HSD17B4: variants seen among roughly 807,000 people sequenced by gnomAD.
HSD17B4 encodes the protein peroxisomal multifunctional enzyme type 2.
In HSD17B4, 70 loss-of-function variants were observed where a neutral mutation model predicts 101.0. That is an observed-to-expected ratio of 0.69 (90% CI 0.57 to 0.85). HSD17B4 has a LOEUF of 0.85. Among genes scored for constraint, HSD17B4 ranks in the 40% least tolerant of loss-of-function variants. The probability of loss-of-function intolerance (pLI) is 0.00; values close to 1 mark genes in which losing one functional copy is unlikely to be tolerated. For synonymous variants in HSD17B4, 347 were observed against 297.1 expected, an observed-to-expected ratio of 1.17 and a Z score of -1.73; for missense variants, 984 against 892.4, an observed-to-expected ratio of 1.10 and a Z score of -1.31.
intron 2 of HSD17B4, among the ~76,000 whole-genome samples, chr5:119,457,960 A>G (rs1204731891): frequency 6.6e-6 from 1 of 152,220 alleles, no homozygotes; most frequent in Non-Finnish European, 1.5e-5. Context: ...AAAAAATTTT[A>G]TAACAGTGTG....
chr5:119,526,545 C>T (rs545453772), intron 19 of HSD17B4, among the ~76,000 whole-genome samples: 1 of 151,808 alleles, frequency 6.6e-6, no homozygotes, highest in Non-Finnish European at 1.5e-5. Flanking sequence ...AAGATGTACA[C>T]TTAAAAAAGT....
At position 119,473,936 on chromosome 5, in the gene HSD17B4, A is replaced by G; in HGVS notation, c.141A>G (p.Gly47=). 6.2e-7 allele frequency: 1 copy of G among 1,610,574 alleles called. No individual in the cohort carries two copies. Among genetic ancestry groups the G allele is most frequent in the Non-Finnish European group, 8.5e-7 (1 of 1,176,840 alleles). The part of the protein sequence containing the change: ...VVNDLGGDFK[G]VGKGSLAADK... Reference sequence around the variant, plus strand: ...ATGATTTGGGAGGGGACTTCAAAGGAGTTGGTAAAGGCTCCTTAGCTGCTG... The same window carrying G: ...ATGATTTGGGAGGGGACTTCAAAGGGGTTGGTAAAGGCTCCTTAGCTGCTG... The change falls in exon 3 of 24, where the codon GGA becomes GGG. Residue 47 remains glycine, a synonymous_variant. Coordinates refer to ENST00000510025, the MANE Select transcript of HSD17B4 (RefSeq NM_000414.4).
intron 16 of HSD17B4, among the ~76,000 whole-genome samples, chr5:119,512,765 C>G (rs1166077577): frequency 6.6e-6 from 1 of 152,012 alleles, no homozygotes; most frequent in Admixed American, 6.5e-5. Context: ...TATGAAATAC[C>G]CAGGTTAGGC....
chr5:119,455,564 C>CTATATATATA (rs1366517649), intron 1 of HSD17B4, among the ~76,000 whole-genome samples: 14 of 126,270 alleles, frequency 1.1e-4, no homozygotes, highest in Non-Finnish European at 1.9e-4. Context: ...CTCTCTCTCT[C>CTATATATATA]TCTCTATATA....
At chr5:119,529,779 T>C (rs985521980) in intron 20 of HSD17B4, 115 bp from the exon 21 acceptor site, 1 of 686,876 alleles carries the variant, frequency 1.5e-6, no homozygotes, top group Non-Finnish European at 2.6e-6. Flanking sequence ...TGGATTATTA[T>C]ATTCTTTTTC....
At chr5:119,456,110 T>C (rs1372783027) in intron 1 of HSD17B4, among the ~76,000 whole-genome samples, 1 of 152,116 alleles carries the variant, frequency 6.6e-6, no homozygotes, top group Non-Finnish European at 1.5e-5. Flanking sequence ...GTAGAATAGG[T>C]GGAAAAATAC....
chr5:119,538,238 A>T (rs1006226195), intron 23 of HSD17B4, among the ~76,000 whole-genome samples: 33 of 152,102 alleles, frequency 2.2e-4, no homozygotes, highest in Admixed American at 5.9e-4. Flanking sequence ...ATTATCTTAG[A>T]TTCCTTCTGC....
chr5:119,534,012 T>C (rs1754339725), intron 22 of HSD17B4, among the ~76,000 whole-genome samples: 2 of 152,124 alleles, frequency 1.3e-5, no homozygotes, highest in South Asian at 4.1e-4. Flanking sequence ...ATCCAATACC[T>C]GTAAAATAAT....
In HSD17B4 at chr5:119,525,228, C is replaced by T. The variant is rs766199971; in HGVS notation, c.1516C>T (p.Arg506Cys). Residue 506 changes from arginine (R) to cysteine (C), a missense_variant, in exon 18 of 24, where the codon CGC (arginine) becomes TGC (cysteine). Coordinates refer to ENST00000510025, the MANE Select transcript of HSD17B4 (RefSeq NM_000414.4). ...GCTTTCTCCACAGGCTGCTTTGTAC[C>T]GCCTCAGTGGAGACTGGAATCCCTT... ...TTSLNQAALY[R>C]LSGDWNPLHI... is the part of the protein sequence containing the mutation. 7.4e-6 allele frequency: 12 copies of T among 1,611,138 alleles called. No homozygotes were observed. The highest frequency in any genetic ancestry group is 1.7e-5 in the Admixed American group (1 of 59,828).
At chr5:119,492,263 T>A (rs1750178592) in intron 10 of HSD17B4, 139 bp downstream of exon 10, 7 of 745,872 alleles carry the variant, frequency 9.4e-6, no homozygotes, top group Non-Finnish European at 1.5e-5. Flanking sequence ...TAAACATTGC[T>A]ATAGCAACAG....
intron 17 of HSD17B4, among the ~76,000 whole-genome samples, chr5:119,522,380 G>A (rs1214576041): frequency 6.6e-6 from 1 of 152,138 alleles, no homozygotes; most frequent in African/African-American, 2.4e-5. Flanking sequence ...ATTGTGAGTA[G>A]TGCTGCAATA....
chr5:119,480,265 T>C (rs570853649), intron 8 of HSD17B4, among the ~76,000 whole-genome samples: 1 of 152,298 alleles, frequency 6.6e-6, no homozygotes, highest in Admixed American at 6.5e-5. Context: ...TTAGAAATTT[T>C]TTTTTCAGTC....
At chr5:119,469,108 A>G (rs1756101950) in intron 2 of HSD17B4, among the ~76,000 whole-genome samples, 1 of 151,186 alleles carries the variant, frequency 6.6e-6, no homozygotes, top group South Asian at 2.1e-4. Flanking sequence ...TGAATTTCTC[A>G]TTTAGATAAT....
At chr5:119,531,567 G>C (rs1754110691) in intron 22 of HSD17B4, among the ~76,000 whole-genome samples, 163 bp downstream of exon 22, 1 of 142,758 alleles carries the variant, frequency 7.0e-6, no homozygotes. Context: ...GTCCAAAGGG[G>C]GGTGTGTGTG....
intron 6 of HSD17B4, 75 bp downstream of exon 6, chr5:119,475,945 A>T (rs939536867): frequency 1.8e-6 from 2 of 1,130,250 alleles, no homozygotes; most frequent in Non-Finnish European, 2.7e-6. Context: ...AAATTTATAC[A>T]TTTAAGGAAA....
At chr5:119,525,195 A>G in intron 17 of HSD17B4, 21 bp from the exon 18 acceptor site, 2 of 1,567,374 alleles carry the variant, frequency 1.3e-6, no homozygotes, top group South Asian at 1.1e-5. Context: ...AGTTCTAGTT[A>G]TGTTTATGCT....
rs973808133 is a variant in HSD17B4 at position 119,474,074 on chromosome 5, A to G, written c.220+59A>G. On this transcript the variant is annotated intron_variant, in intron 3 of 23. Coordinates refer to ENST00000510025, the MANE Select transcript of HSD17B4 (RefSeq NM_000414.4). Reference sequence around the variant, plus strand: ...TCCTTCAACTAATGCTATTTGTCACATTAATAATCTTTGAGCAAATATCTC... The same window carrying G: ...TCCTTCAACTAATGCTATTTGTCACGTTAATAATCTTTGAGCAAATATCTC... 80 of 943,128 alleles carry G rather than the reference A, an allele frequency of 8.5e-5. 3 individuals carry two copies. The highest frequency in any genetic ancestry group is 4.8e-5 in the African/African-American group (3 of 62,280). 58.4% of individuals were successfully genotyped at this position (943,128 alleles called of 1,614,324 possible).
At position 119,491,494 on chromosome 5, in the gene HSD17B4, A is replaced by T. The variant is rs1412736245; in HGVS notation, c.715-606A>T. On this transcript the variant is annotated intron_variant, in intron 9 of 23. Coordinates refer to ENST00000510025, the MANE Select transcript of HSD17B4 (RefSeq NM_000414.4). ...TTTTTTTTTTTAGGATTTTTCTTGA[A>T]TGACCTCTAGAAAAAATTATAGCAG... Among the ~76,000 whole-genome samples, 4 of 140,526 alleles carry T rather than the reference A, an allele frequency of 2.8e-5. No homozygotes were observed. In the East Asian group the frequency reaches 6.5e-4, roughly 23 times the overall value. 92.2% of individuals were successfully genotyped at this position (140,526 alleles called of 152,430 possible).
At chr5:119,531,459 T>G in intron 22 of HSD17B4, 55 bp downstream of exon 22, 1 of 1,543,212 alleles carries the variant, frequency 6.5e-7, no homozygotes, top group Non-Finnish European at 8.9e-7. Context: ...GTAAATAAAG[T>G]ATCTTTTTAA....
Sources: gnomAD v4.1 joint callset for allele counts (sites outside exome capture counted in the v4.1 genomes callset) on GRCh38, gnomAD v4.1.1 for gene constraint, MANE v1.5 for transcripts, NCBI Gene and HGNC (gene_info 2026-07-23, HGNC 2026-07-21) for gene names.